ANTXR2: variants seen among roughly 807,000 people sequenced by gnomAD.
ANTXR2 encodes the protein ANTXR cell adhesion molecule 2.
A neutral mutation model predicts 73.7 loss-of-function variants in ANTXR2; 44 were observed. That is an observed-to-expected ratio of 0.60 (90% CI 0.47 to 0.77). The LOEUF (loss-of-function observed/expected upper bound fraction) is 0.77, where lower values mean the gene tolerates loss of function less well. ANTXR2 is among the 30% of genes least tolerant of loss of function. The pLI is 0.00. For synonymous variants in ANTXR2, 217 were observed against 205.9 expected, an observed-to-expected ratio of 1.05 and a Z score of -0.46; for missense variants, 604 against 592.5, an observed-to-expected ratio of 1.02 and a Z score of -0.20.
chr4:80,067,056 A>G (rs1009713442), intron 3 of ANTXR2, among the ~76,000 whole-genome samples: 4 of 152,124 alleles, frequency 2.6e-5, no homozygotes, highest in African/African-American at 9.7e-5. Context: ...AATACAAAAA[A>G]TTAGCCGGGC....
chr4:79,956,781 GCA>G (rs894180559), intron 16 of ANTXR2, among the ~76,000 whole-genome samples: 3 of 151,602 alleles, frequency 2.0e-5, no homozygotes, highest in Admixed American at 6.6e-5. Flanking sequence ...GCATGCGCGC[GCA>G]CACACACACA....
intron 16 of ANTXR2, among the ~76,000 whole-genome samples, chr4:79,920,396 A>T (rs13434957): frequency 0.23 from 35,184 of 152,060 alleles, 4,916 homozygotes; most frequent in East Asian, 0.7. Flanking sequence ...TGGTATCATT[A>T]AACATGTAAC....
chr4:79,927,059 G>GTA (rs200749407), intron 16 of ANTXR2, among the ~76,000 whole-genome samples: 43,150 of 132,902 alleles, frequency 0.32, 8,059 homozygotes, highest in Non-Finnish European at 0.42. Context: ...GCGTGTGTGT[G>GTA]TGTATATATA....
chr4:80,000,636 AACATTTGCTC>A (rs1288586659), intron 12 of ANTXR2, among the ~76,000 whole-genome samples: 1 of 152,086 alleles, frequency 6.6e-6, no homozygotes, highest in Non-Finnish European at 1.5e-5. Context: ...CCAAAAGGGT[AACATTTGCTC>A]ACCTGACAGG....
intron 3 of ANTXR2, among the ~76,000 whole-genome samples, chr4:80,064,010 C>T (rs1734383201): frequency 6.6e-6 from 1 of 152,128 alleles, no homozygotes; most frequent in Admixed American, 6.5e-5. Flanking sequence ...AATGAATGTA[C>T]CAATTAATAA....
At chr4:79,966,797 A>T (rs1729382763) in intron 16 of ANTXR2, among the ~76,000 whole-genome samples, 1 of 152,144 alleles carries the variant, frequency 6.6e-6, no homozygotes, top group South Asian at 2.1e-4. Flanking sequence ...AAATCACTGA[A>T]ATATTTACCA....
At chr4:80,019,861 T>C (rs541175134) in intron 10 of ANTXR2, among the ~76,000 whole-genome samples, 26 of 152,272 alleles carry the variant, frequency 1.7e-4, no homozygotes, top group Middle Eastern at 6.8e-3. Context: ...ATTTTGAAAA[T>C]ATGATTTCAA....
At chr4:79,983,818 A>G in intron 14 of ANTXR2, 60 bp downstream of exon 14, 1 of 1,276,474 alleles carries the variant, frequency 7.8e-7, no homozygotes, top group African/African-American at 1.5e-5. Flanking sequence ...TCTATGGCTT[A>G]ATAGCCCTAG....
chr4:80,041,632 C>T (rs2110093250), intron 7 of ANTXR2, among the ~76,000 whole-genome samples: 1 of 152,050 alleles, frequency 6.6e-6, no homozygotes, highest in African/African-American at 2.4e-5. Context: ...ACCCCACCCT[C>T]AACAGGCCCC....
chr4:80,058,526 A>T (rs1161888079), intron 3 of ANTXR2, among the ~76,000 whole-genome samples: 1 of 152,104 alleles, frequency 6.6e-6, no homozygotes, highest in African/African-American at 2.4e-5. Context: ...ACAAAGGCCA[A>T]AACAAGACAG....
intron 7 of ANTXR2, among the ~76,000 whole-genome samples, chr4:80,046,541 T>C (rs757282018): frequency 2.6e-5 from 4 of 151,848 alleles, no homozygotes; most frequent in Admixed American, 6.6e-5. Context: ...TTCACTCTGA[T>C]GCAAACATTA....
intron 11 of ANTXR2, among the ~76,000 whole-genome samples, chr4:80,016,706 G>A (rs1303617315): frequency 1.3e-5 from 2 of 152,182 alleles, no homozygotes; most frequent in African/African-American, 4.8e-5. Context: ...AAACTGCTGT[G>A]CCTGATGACA....
chr4:79,910,985 AAAC>A (rs10618528), intron 16 of ANTXR2, among the ~76,000 whole-genome samples: 73,069 of 151,782 alleles, frequency 0.48, 17,815 homozygotes, highest in Non-Finnish European at 0.52. Context: ...AAAATTCTAA[AAAC>A]AAGGCAATGC....
chr4:79,939,434 T>C (rs1728367455), intron 16 of ANTXR2, among the ~76,000 whole-genome samples: 1 of 15,806 alleles, frequency 6.3e-5, no homozygotes, highest in African/African-American at 1.2e-4. Context: ...TACAACATTC[T>C]TAAAGAAAAG....
intron 16 of ANTXR2, among the ~76,000 whole-genome samples, chr4:79,952,502 T>C (rs1336506707): frequency 6.6e-6 from 1 of 151,880 alleles, no homozygotes; most frequent in Non-Finnish European, 1.5e-5. Context: ...CACCAAAAAT[T>C]TAGAAAAGTC....
chr4:80,054,286 C>T lies in ANTXR2; in HGVS notation c.622G>A (p.Gly208Arg), dbSNP rs1346392916. ...PVKGGFQALK[G>R]IINSILAQSC... ...GAAATACTCACAGAATTAATTATTC[C>T]TTTAAGAGCCTGAAATCCACCTTTG... The change falls in exon 7 of 17, where the codon GGA (glycine) becomes AGA (arginine). Residue 208 changes from glycine to arginine, a missense_variant. By Grantham distance (125) the Gly-to-Arg change is moderately radical. Transcript: ENST00000403729. 3 of 1,597,598 alleles carry T rather than the reference C, an allele frequency of 1.9e-6. No individual in the cohort carries two copies. Among genetic ancestry groups the T allele is most frequent in the Admixed American group, 1.7e-5 (1 of 57,828 alleles).
intron 16 of ANTXR2, among the ~76,000 whole-genome samples, chr4:79,961,044 A>T (rs1249145880): frequency 6.6e-6 from 1 of 152,056 alleles, no homozygotes; most frequent in African/African-American, 2.4e-5. Context: ...GTTCTGGTAG[A>T]CACAAAGGCA....
intron 16 of ANTXR2, among the ~76,000 whole-genome samples, chr4:79,963,523 A>G (rs957906486): frequency 5.3e-5 from 8 of 152,292 alleles, no homozygotes; most frequent in African/African-American, 1.9e-4. Flanking sequence ...AAAAATATTT[A>G]TGTTGCTTAT....
At chr4:79,911,983 T>C (rs879720261) in intron 16 of ANTXR2, among the ~76,000 whole-genome samples, 6 of 151,908 alleles carry the variant, frequency 3.9e-5, no homozygotes, top group African/African-American at 1.4e-4. Flanking sequence ...AATAACAACA[T>C]TTAGTTAATA....
Sources: allele counts gnomAD v4.1 joint callset (sites outside exome capture counted in the v4.1 genomes callset), GRCh38; gene constraint gnomAD v4.1.1; transcripts MANE v1.5; gene names NCBI Gene and HGNC (gene_info 2026-07-23, HGNC 2026-07-21).